Variants in POLR1D observed in about 807,000 individuals in gnomAD.
POLR1D encodes the protein DNA-directed RNA polymerases I and III subunit RPAC2.
A neutral mutation model predicts 10.8 loss-of-function variants in POLR1D; 8 were observed. The observed-to-expected ratio is 0.74, with a 90% confidence interval of 0.43 to 1.33. POLR1D has a LOEUF of 1.33. Among genes scored for constraint, POLR1D ranks in the 40% most tolerant of loss-of-function variants. POLR1D has a pLI of 0.01. For synonymous variants in POLR1D, 54 were observed against 57.2 expected (o/e 0.94, Z 0.25); for missense variants, 152 against 161.7 (o/e 0.94, Z 0.32).
intron 1 of POLR1D, among the ~76,000 whole-genome samples, chr13:27,639,970 C>T (rs1956159877): frequency 6.6e-6 from 1 of 152,158 alleles, no homozygotes; most frequent in Non-Finnish European, 1.5e-5. Flanking sequence ...GTCAGATTGC[C>T]TGGGTTCACA....
Position 27,654,859 on chromosome 13 carries a change from C to T in POLR1D, c.101+6406C>T, listed in dbSNP as rs545121863. Among the ~76,000 whole-genome samples the T allele has an allele frequency of 3.7e-3, 565 of 152,250 alleles. 4 individuals carry two copies. The highest frequency in any genetic ancestry group is 7.0e-3 in the Admixed American group (107 of 15,284). On this transcript the variant is annotated intron_variant, in intron 2 of 2. Coordinates refer to the POLR1D transcript ENST00000399697. ...TTTTTCATCACTGCCTTGTTTCTTGCCACTGTTTTACTTGTTGCTTTTGCA... is the reference window on the plus strand; with the variant it reads ...TTTTTCATCACTGCCTTGTTTCTTGTCACTGTTTTACTTGTTGCTTTTGCA...
chr13:27,640,227 G>GCCCT (rs895982542), intron 1 of POLR1D, among the ~76,000 whole-genome samples: 3 of 152,108 alleles, frequency 2.0e-5, no homozygotes, highest in Non-Finnish European at 4.4e-5. Flanking sequence ...GAGGAGAGCA[G>GCCCT]CCCTATATAT....
chr13:27,648,186 G>A (rs921263528), intron 1 of POLR1D: 1 of 465,252 alleles, frequency 2.1e-6, no homozygotes, highest in Admixed American at 3.4e-5. Flanking sequence ...TCTCTTCAAT[G>A]TTGCTTCTCT....
chr13:27,623,204 A>G lies in POLR1D; in HGVS notation c.356A>G (p.Lys119Arg), dbSNP rs1955969055. The change falls in exon 2 of 2, where the codon AAG (lysine) becomes AGG (arginine). Residue 119 changes from lysine to arginine, a missense_variant. Transcript: ENST00000302979. ...HVLDKFEASI[K>R]DYKDQKASRN... ...CTTGACAAGTTTGAGGCCAGCATAAAGGACTATAAGGATCAAAAAGCAAGC... is the reference window on the plus strand; with the variant it reads ...CTTGACAAGTTTGAGGCCAGCATAAGGGACTATAAGGATCAAAAAGCAAGC... 1.9e-6 allele frequency: 3 copies of G among 1,614,188 alleles called. 1 individual carries two copies. Among genetic ancestry groups the G allele is most frequent in the Middle Eastern group, 3.3e-4 (2 of 6,062 alleles).
In POLR1D at chr13:27,659,830, A is replaced by G. The variant is rs11842970; in HGVS notation, c.102-5856A>G. Among the ~76,000 whole-genome samples the G allele has an allele frequency of 4.2e-3, 641 of 152,098 alleles. 4 individuals are homozygous for G. The highest frequency in any genetic ancestry group is 0.015 in the African/African-American group (612 of 41,440). ...CTGTTCCTCTTGGTAGTCTCCAAAG[A>G]CAGAGACACATAAACAGATAGCTTG... On this transcript the variant is annotated intron_variant, in intron 2 of 2. Coordinates refer to the POLR1D transcript ENST00000399697.
intron 2 of POLR1D, among the ~76,000 whole-genome samples, chr13:27,658,376 CAGCCACAAGAGTCCCAAG>C (rs1297847960): frequency 1.3e-5 from 2 of 152,254 alleles, no homozygotes; most frequent in African/African-American, 4.8e-5. Flanking sequence ...GCCAGGTGTT[CAGCCACAAGAGTCCCAAG>C]ACCCATCGCT....
downstream of POLR1D, among the ~76,000 whole-genome samples, chr13:27,627,360 A>G (rs1956023588): frequency 6.6e-6 from 1 of 151,782 alleles, no homozygotes; most frequent in African/African-American, 2.4e-5. Flanking sequence ...TACAGTAAGT[A>G]TGTACCTAAT....
chr13:27,653,067 GTT>G (rs1001410983), intron 2 of POLR1D, among the ~76,000 whole-genome samples: 1 of 151,492 alleles, frequency 6.6e-6, no homozygotes, highest in African/African-American at 2.4e-5. Context: ...CCTGACTAAT[GTT>G]TGTATTTTTT....
At chr13:27,659,925 T>TATATATATATATATATATATATAC (rs528297415) in intron 2 of POLR1D, among the ~76,000 whole-genome samples, 259 of 149,356 alleles carry the variant, frequency 1.7e-3, no homozygotes, top group African/African-American at 6.0e-3. Context: ...TATATATATA[T>TATATATATATATATATATATATAC]ACACACACAT....
chr13:27,645,313 G>T (rs1026509119), intron 1 of POLR1D, among the ~76,000 whole-genome samples: 1 of 152,008 alleles, frequency 6.6e-6, no homozygotes, highest in Non-Finnish European at 1.5e-5. Flanking sequence ...ATTTCTCCAG[G>T]ATTTGCTGCG....
chr13:27,648,833 T>C (rs1956243418), intron 2 of POLR1D, among the ~76,000 whole-genome samples: 1 of 152,242 alleles, frequency 6.6e-6, no homozygotes, highest in South Asian at 2.1e-4. Flanking sequence ...TTTTAGGAAA[T>C]TAATTTTAAC....
intron 2 of POLR1D, chr13:27,650,445 C>G: frequency 5.7e-6 from 1 of 176,488 alleles, no homozygotes; most frequent in Non-Finnish European, 1.2e-5. Flanking sequence ...TACCACGTAA[C>G]CCAAAGCTCT....
At chr13:27,644,551 G>A (rs2138550597) in intron 1 of POLR1D, among the ~76,000 whole-genome samples, 1 of 152,250 alleles carries the variant, frequency 6.6e-6, no homozygotes, top group African/African-American at 2.4e-5. Context: ...AATTGATTGT[G>A]GTTTGTTCCT....
chr13:27,666,181 T>G, exon 3 of POLR1D: 2 of 522,144 alleles, frequency 3.8e-6, no homozygotes, highest in Non-Finnish European at 6.8e-6. Context: ...ACTTCTGCAG[T>G]GTAGTAGACT....
chr13:27,649,702 G>A (rs1210101854), intron 2 of POLR1D, among the ~76,000 whole-genome samples: 1 of 152,174 alleles, frequency 6.6e-6, no homozygotes, highest in East Asian at 1.9e-4. Context: ...GAGAGGGAGA[G>A]AGAAAAGCTT....
intron 2 of POLR1D, among the ~76,000 whole-genome samples, chr13:27,658,837 C>T (rs1039722999): frequency 2.0e-5 from 3 of 152,152 alleles, no homozygotes; most frequent in African/African-American, 7.2e-5. Context: ...TCATTGTCTA[C>T]AAAGCTGTTT....
At chr13:27,657,234 A>T (rs934262048) in intron 2 of POLR1D, among the ~76,000 whole-genome samples, 1 of 152,158 alleles carries the variant, frequency 6.6e-6, no homozygotes, top group Admixed American at 6.5e-5. Context: ...AGGTTTTTAA[A>T]AATACAGATC....
chr13:27,630,533 G>A (rs73434746), intron 1 of POLR1D, among the ~76,000 whole-genome samples: 14 of 152,082 alleles, frequency 9.2e-5, no homozygotes, highest in East Asian at 1.9e-4. Context: ...GTGTAGAGGC[G>A]AAGGGTAGGG....
intron 1 of POLR1D, among the ~76,000 whole-genome samples, chr13:27,634,529 A>G (rs1031199309): frequency 3.3e-5 from 5 of 152,330 alleles, no homozygotes; most frequent in African/African-American, 9.6e-5. Flanking sequence ...TAGGAAAACA[A>G]GTTTAATCCT....
Sources: gnomAD v4.1 joint callset for allele counts (sites outside exome capture counted in the v4.1 genomes callset) on GRCh38, gnomAD v4.1.1 for gene constraint, MANE v1.5 for transcripts, NCBI Gene and HGNC (gene_info 2026-07-23, HGNC 2026-07-21) for gene names.